Variants in CACNA1D observed in about 807,000 individuals in gnomAD.
The protein encoded by CACNA1D is voltage-dependent L-type calcium channel subunit alpha-1D.
Under a neutral mutation model 257.1 loss-of-function variants are expected in CACNA1D, and 55 were observed. The ratio of observed to expected loss-of-function variants is 0.21; its 90% CI spans 0.17 to 0.27. The LOEUF is 0.27. Ranked by LOEUF, CACNA1D falls within the 10% of genes least tolerant of loss-of-function variation. The pLI is 1.00. For synonymous variants in CACNA1D, 980 were observed against 1,014.9 expected, an observed-to-expected ratio of 0.97 and a Z score of 0.65; for missense variants, 1,876 against 2,784.0, an observed-to-expected ratio of 0.67 and a Z score of 7.34.
At chr3:53,671,554 A>G (rs1335430696) in intron 7 of CACNA1D, among the ~76,000 whole-genome samples, 1 of 152,202 alleles carries the variant, frequency 6.6e-6, no homozygotes, top group East Asian at 1.9e-4. Context: ...TAGTTTATCC[A>G]ACTTAATTAG....
intron 3 of CACNA1D, among the ~76,000 whole-genome samples, chr3:53,592,149 G>A (rs2093314512): frequency 6.6e-6 from 1 of 152,214 alleles, no homozygotes; most frequent in South Asian, 2.1e-4. Flanking sequence ...GTTCTAGTGG[G>A]AAGAGAGGTG....
intron 32 of CACNA1D, among the ~76,000 whole-genome samples, chr3:53,772,579 G>A (rs2095372127): frequency 6.6e-6 from 1 of 152,242 alleles, no homozygotes; most frequent in Non-Finnish European, 1.5e-5. Context: ...TTAGGCTACA[G>A]GGTTAATGAC....
chr3:53,719,872 G>C, intron 11 of CACNA1D, 91 bp downstream of exon 11: 1 of 1,170,746 alleles, frequency 8.5e-7, no homozygotes, highest in Non-Finnish European at 1.3e-6. Context: ...CTCTGGACTT[G>C]AGTTTTCCTC....
At chr3:53,667,136 T>C (rs987751073) in intron 7 of CACNA1D, among the ~76,000 whole-genome samples, 2 of 152,196 alleles carry the variant, frequency 1.3e-5, no homozygotes, top group East Asian at 1.9e-4. Flanking sequence ...GCTACAGACC[T>C]CTGGCAGAAA....
chr3:53,538,562 T>C (rs1238219121), intron 3 of CACNA1D, among the ~76,000 whole-genome samples: 1 of 152,242 alleles, frequency 6.6e-6, no homozygotes, highest in Non-Finnish European at 1.5e-5. Flanking sequence ...GCATATTTAC[T>C]GTGTTCTGCT....
At chr3:53,720,827 A>G (rs1457245482) in intron 11 of CACNA1D, among the ~76,000 whole-genome samples, 1 of 152,258 alleles carries the variant, frequency 6.6e-6, no homozygotes, top group East Asian at 1.9e-4. Context: ...CGTTAAAAAA[A>G]TAGTTTGGTA....
intron 30 of CACNA1D, among the ~76,000 whole-genome samples, chr3:53,764,513 A>C (rs749015620): frequency 6.6e-6 from 1 of 152,216 alleles, no homozygotes; most frequent in Admixed American, 6.5e-5. Flanking sequence ...GCTTCCGGGC[A>C]CCAGGATGTG....
intron 38 of CACNA1D, among the ~76,000 whole-genome samples, chr3:53,781,097 CAT>C (rs1264993478): frequency 1.3e-5 from 2 of 152,184 alleles, no homozygotes; most frequent in Non-Finnish European, 2.9e-5. Flanking sequence ...AGTGTCAGCT[CAT>C]ATAATAAAAG....
At chr3:53,769,392 A>G (rs1385456895) in intron 30 of CACNA1D, among the ~76,000 whole-genome samples, 2 of 152,196 alleles carry the variant, frequency 1.3e-5, no homozygotes, top group Non-Finnish European at 2.9e-5. Flanking sequence ...GGGTTTCTGT[A>G]GGGAAGCCTG....
intron 29 of CACNA1D, among the ~76,000 whole-genome samples, chr3:53,755,944 G>T (rs1181600919): frequency 6.6e-6 from 1 of 152,188 alleles, no homozygotes; most frequent in Non-Finnish European, 1.5e-5. Context: ...GGCTGCAGAA[G>T]GAGGAATATT....
chr3:53,722,266 C>T (rs778013701), intron 11 of CACNA1D, 48 bp from the exon 12 acceptor site: 1 of 1,600,654 alleles, frequency 6.2e-7, no homozygotes, highest in Non-Finnish European at 8.6e-7. Flanking sequence ...ATTGGATACT[C>T]AGATGCTGTA....
chr3:53,801,337 A>T lies in CACNA1D; in HGVS notation c.5320A>T (p.Ile1774Phe). 1 of 1,614,234 alleles carries T rather than the reference A, an allele frequency of 6.2e-7. No homozygotes were observed. Among genetic ancestry groups the T allele is most frequent in the East Asian group, 2.2e-5 (1 of 44,886 alleles). ...AGCTGCCCATGGAAAGCGGCCCAGC[A>T]TTGGGAACCTTGAGCATGTGTCTGA... The part of the protein sequence containing the change: ...SKAAHGKRPS[I>F]GNLEHVSENG... Residue 1774 changes from isoleucine to phenylalanine, a missense_variant, in exon 42 of 48, where the codon ATT (isoleucine) becomes TTT (phenylalanine). Around this residue, in one of 10 missense-constraint regions of CACNA1D, gnomAD observed 491 missense variants for 554.3 expected, o/e 0.89. Coordinates refer to ENST00000350061, the MANE Select transcript of CACNA1D (RefSeq NM_001128840.3).
intron 38 of CACNA1D, among the ~76,000 whole-genome samples, chr3:53,780,347 A>G (rs967138259): frequency 1.3e-5 from 2 of 152,218 alleles, no homozygotes; most frequent in Non-Finnish European, 2.9e-5. Flanking sequence ...TTTGTCCCAG[A>G]ATGTTTTGAG....
rs2094264178 is a variant in CACNA1D at position 53,666,420 on chromosome 3, G to A, written c.1001G>A (p.Arg334Lys). Reference protein sequence around the residue: ...RQCTANGTECRSGWVGPNGGI... With the variant: ...RQCTANGTECKSGWVGPNGGI... ...TGTACTGCCAATGGCACGGAATGTAGGAGTGGCTGGGTTGGCCCGAACGGA... is the reference window on the plus strand; with the variant it reads ...TGTACTGCCAATGGCACGGAATGTAAGAGTGGCTGGGTTGGCCCGAACGGA... The change falls in exon 7 of 48, where the codon AGG (arginine) becomes AAG (lysine). Residue 334 changes from arginine (R) to lysine (K), a missense_variant. Physicochemically the swap from Arg to Lys is conservative, Grantham distance 26. Transcript: ENST00000350061. The A allele has an allele frequency of 6.2e-7, 1 of 1,614,072 alleles. No individual in the cohort carries two copies. The highest frequency in any genetic ancestry group is 8.5e-7 in the Non-Finnish European group (1 of 1,180,020).
At chr3:53,668,623 C>T (rs1477480688) in intron 7 of CACNA1D, among the ~76,000 whole-genome samples, 1 of 152,064 alleles carries the variant, frequency 6.6e-6, no homozygotes, top group African/African-American at 2.4e-5. Flanking sequence ...GAACATTCCC[C>T]GAGTTCTACA....
At chr3:53,781,402 A>G (rs2095424586) in intron 38 of CACNA1D, among the ~76,000 whole-genome samples, 164 bp from the exon 39 acceptor site, 1 of 152,152 alleles carries the variant, frequency 6.6e-6, no homozygotes, top group South Asian at 2.1e-4. Context: ...TGCTGAATAT[A>G]GGAAGTGTGT....
chr3:53,716,143 C>T (rs2169144), intron 9 of CACNA1D, among the ~76,000 whole-genome samples: 133,222 of 152,288 alleles, frequency 0.87, 58,394 homozygotes, highest in East Asian at 0.99. Context: ...CCTACATGAT[C>T]AATATTAGAA....
chr3:53,650,657 CTT>C (rs1440022519), intron 3 of CACNA1D, 120 bp from the exon 4 acceptor site: 42 of 1,043,400 alleles, frequency 4.0e-5, no homozygotes, highest in Non-Finnish European at 3.2e-5. Context: ...CATAATGAAA[CTT>C]TGTTTGGAGG....
rs898613711 is a variant in CACNA1D at position 53,668,396 on chromosome 3, G to T, written c.1116+1861G>T. 4.6e-5 allele frequency among the ~76,000 whole-genome samples: 7 copies of T among 152,110 alleles called. No individual in the cohort carries two copies. The South Asian group carries it at 1.2e-3, about 27-fold the overall frequency. ...AGTTTCCGCTTACTTTCCTGAGAAG[G>T]TTTAAATATCATCTAGGATGATATA... is the stretch of plus-strand genomic sequence containing the variant. On this transcript the variant is annotated intron_variant, in intron 7 of 47. Transcript: ENST00000350061.
Sources: allele counts gnomAD v4.1 joint callset (sites outside exome capture counted in the v4.1 genomes callset), GRCh38; gene constraint gnomAD v4.1.1; regional missense constraint gnomAD v4.1.1; transcripts MANE v1.5; gene names NCBI Gene and HGNC (gene_info 2026-07-23, HGNC 2026-07-21).